JAK3: variants seen among roughly 807,000 people sequenced by gnomAD.
JAK3 encodes tyrosine-protein kinase JAK3.
A neutral mutation model predicts 120.8 loss-of-function variants in JAK3; 88 were observed. That is an observed-to-expected ratio of 0.73 (90% CI 0.61 to 0.87). JAK3 has a LOEUF of 0.87. JAK3 is among the 40% of genes least tolerant of loss of function. JAK3 has a pLI of 0.00. For missense variants in JAK3, 1,254 were observed against 1,501.4 expected, an observed-to-expected ratio of 0.84 and a Z score of 2.72; for synonymous variants, 592 against 628.6, an observed-to-expected ratio of 0.94 and a Z score of 0.87.
intron 23 of JAK3, 109 bp from the exon 24 acceptor site, chr19:17,827,019 G>T: frequency 7.9e-7 from 1 of 1,263,864 alleles, no homozygotes; most frequent in East Asian, 2.5e-5. Flanking sequence ...TAGCTCTGTT[G>T]TCCAGGCTGG....
chr19:17,837,319 C>G, intron 12 of JAK3, 106 bp from the exon 13 acceptor site: 2 of 837,804 alleles, frequency 2.4e-6, no homozygotes, highest in Non-Finnish European at 4.0e-6. Context: ...GGCCACAGGT[C>G]ACCTTTGGCC....
At chr19:17,828,131 G>A (rs1043409942) in intron 23 of JAK3, among the ~76,000 whole-genome samples, 2 of 152,070 alleles carry the variant, frequency 1.3e-5, no homozygotes, top group Non-Finnish European at 2.9e-5. Context: ...TCCTTCCAGC[G>A]TCGGCCCCGT....
Position 17,844,441 on chromosome 19 carries a change from G to A in JAK3, c.-13-11C>T. ...ATGAGTGCAACTTGCCTGGGGCACA[G>A]AGAGAAAAAGCCCCTCAGTCCTGGT... On this transcript the variant is annotated splice_polypyrimidine_tract_variant and intron_variant, in intron 1 of 23. Transcript: ENST00000458235. The A allele has an allele frequency of 6.3e-7, 1 of 1,596,606 alleles. No individual in the cohort carries two copies. Among genetic ancestry groups the A allele is most frequent in the Admixed American group, 1.8e-5 (1 of 57,118 alleles).
Position 17,844,244 on chromosome 19 carries a change from GGCA to G in JAK3, c.171_173del (p.Ala58del), listed in dbSNP as rs1310916062. 7.5e-6 allele frequency: 12 copies of G among 1,595,568 alleles called. No homozygotes were observed. Among genetic ancestry groups the G allele is most frequent in the African/African-American group, 1.3e-5 (1 of 74,662 alleles). On this transcript the variant is annotated inframe_deletion, in exon 2 of 24. Coordinates refer to ENST00000458235, the MANE Select transcript of JAK3 (RefSeq NM_000215.4). ...TAGGGATGCACTCACCGCTGGCCTT[GGCA>G]GCCTGCACGCACAGGTCCTCAGCCA...
At chr19:17,830,040 G>T in intron 23 of JAK3, 68 bp downstream of exon 23, 1 of 1,166,460 alleles carries the variant, frequency 8.6e-7, no homozygotes, top group Non-Finnish European at 1.2e-6. Flanking sequence ...TCAGGCGCCA[G>T]CTGGCTTGCC....
chr19:17,827,450 C>T (rs2094205930), intron 23 of JAK3, among the ~76,000 whole-genome samples: 2 of 151,828 alleles, frequency 1.3e-5, no homozygotes, highest in East Asian at 2.0e-4. Context: ...TGGGTTCAAG[C>T]GATTCTCCTG....
Position 17,842,837 on chromosome 19 carries a change from G to A in JAK3, c.566+190C>T, listed in dbSNP as rs531611430. 19 of 888,250 alleles carry A rather than the reference G, an allele frequency of 2.1e-5. No homozygotes were observed. In the East Asian group the frequency reaches 4.0e-4, roughly 19 times the overall value. 55.0% of individuals were successfully genotyped at this position (888,250 alleles called of 1,614,324 possible). A position where few individuals can be genotyped will look rare whatever the true frequency, so the allele number is the denominator to read the frequency against. On this transcript the variant is annotated intron_variant, in intron 5 of 23. Transcript: ENST00000458235. The surrounding 1 kb of genome is among the most constrained non-coding windows in gnomAD (Gnocchi z 6.4). ...AGGGACCCCACAGGCCTTTTAGCTGGGGGAGGTCAGGTGTCTGTCCAGCTG... is the reference window on the plus strand; with the variant it reads ...AGGGACCCCACAGGCCTTTTAGCTGAGGGAGGTCAGGTGTCTGTCCAGCTG...
chr19:17,826,924 G>A lies in JAK3; in HGVS notation c.3208-14C>T, dbSNP rs202080914. On this transcript the variant is annotated splice_polypyrimidine_tract_variant and intron_variant, in intron 23 of 23. Coordinates refer to ENST00000458235, the MANE Select transcript of JAK3 (RefSeq NM_000215.4). The stretch of plus-strand genomic sequence containing the variant: ...GAGCTCGTGAACCTGAGGGGCGGGG[G>A]ACAGATAATGGGGTCGTGCCTGAGC... 6.2e-7 allele frequency: 1 copy of A among 1,605,076 alleles called. No individual in the cohort carries two copies. Among genetic ancestry groups the A allele is most frequent in the Admixed American group, 1.7e-5 (1 of 59,986 alleles).
Position 17,842,176 on chromosome 19 carries a change from A to C in JAK3, c.861+140T>G, listed in dbSNP as rs1722964823. On this transcript the variant is annotated intron_variant, in intron 6 of 23. Coordinates refer to ENST00000458235, the MANE Select transcript of JAK3 (RefSeq NM_000215.4). The surrounding 1 kb of genome is among the most constrained non-coding windows in gnomAD (Gnocchi z 6.4). The stretch of plus-strand genomic sequence containing the variant: ...CATTCCCGCAGTCTCCTCCCTCACT[A>C]AGCCCCGCCCCTCATTAAGCCTCGC... 2.1e-6 allele frequency: 2 copies of C among 937,804 alleles called. No individual in the cohort carries two copies. Among genetic ancestry groups the C allele is most frequent in the Non-Finnish European group, 3.1e-6 (2 of 650,256 alleles). 58.1% of individuals were successfully genotyped at this position (937,804 alleles called of 1,614,324 possible).
rs200855932 is a variant in JAK3 at position 17,831,775 on chromosome 19, T to C, written c.2704A>G (p.Met902Val). The stretch of plus-strand genomic sequence containing the variant: ...AAGCAGCCGCTGGGCAGGTACTCCA[T>C]GACCAGCCGCAGGCTCTGGCGGCCT... ...GPGRQSLRLV[M>V]EYLPSGCLRD... Residue 902 changes from methionine (M) to valine (V), a missense_variant, in exon 20 of 24, where the codon ATG becomes GTG. Around this residue, in one of 3 missense-constraint regions of JAK3, gnomAD observed 630 missense variants for 819.8 expected, o/e 0.77. Coordinates refer to ENST00000458235, the MANE Select transcript of JAK3 (RefSeq NM_000215.4). The surrounding 1 kb of genome is among the most constrained non-coding windows in gnomAD (Gnocchi z 5.1). 16 of 1,612,748 alleles carry C rather than the reference T, an allele frequency of 9.9e-6. No individual in the cohort carries two copies. The highest frequency in any genetic ancestry group is 1.7e-5 in the Admixed American group (1 of 60,006).
At position 17,831,046 on chromosome 19, in the gene JAK3, G is replaced by C. The variant is rs910283522; in HGVS notation, c.2978+182C>G. Among the ~76,000 whole-genome samples, 4 of 146,098 alleles carry C rather than the reference G, an allele frequency of 2.7e-5. No individual in the cohort carries two copies. Among genetic ancestry groups the C allele is most frequent in the African/African-American group, 1.0e-4 (4 of 39,582 alleles). On this transcript the variant is annotated intron_variant, in intron 21 of 23. Coordinates refer to ENST00000458235, the MANE Select transcript of JAK3 (RefSeq NM_000215.4). The surrounding 1 kb of genome is among the most constrained non-coding windows in gnomAD (Gnocchi z 5.1). ...GGCCGCTGACAGCAGGGCAGCGGGAGACAGAGGAGCCAGTGCTGTTGAGGG... is the reference window on the plus strand; with the variant it reads ...GGCCGCTGACAGCAGGGCAGCGGGACACAGAGGAGCCAGTGCTGTTGAGGG...
Position 17,841,472 on chromosome 19 carries a change from C to A in JAK3, c.1059G>T (p.Thr353=), listed in dbSNP as rs2147694830. The change falls in exon 8 of 24, where the codon ACG becomes ACT. Residue 353 remains threonine (T), a synonymous_variant. Transcript: ENST00000458235. This position sits in a 1 kb window ranked among gnomAD's most constrained non-coding sequence, Gnocchi z 4.1. ...ALVDGYFRLT[T]DSQHFFCKEV... ...CCTTGCAGAAGAAGTGCTGGGAGTC[C>A]GTGGTCAGCCGGAAGTAGCCGTCCA... 1 of 1,560,956 alleles carries A rather than the reference C, an allele frequency of 6.4e-7. No homozygotes were observed. The highest frequency in any genetic ancestry group is 2.4e-5 in the East Asian group (1 of 41,788).
chr19:17,836,915 G>C (rs1343558579), intron 13 of JAK3: 1 of 676,120 alleles, frequency 1.5e-6, no homozygotes, highest in African/African-American at 1.8e-5. Context: ...TCTGACTTCA[G>C]GTCATTCTGG....
chr19:17,830,209 G>C lies in JAK3; in HGVS notation c.3106C>G (p.Arg1036Gly), dbSNP rs868813680. The C allele has an allele frequency of 6.3e-7, 1 of 1,576,390 alleles. No homozygotes were observed. The change falls in exon 23 of 24, where the codon CGG becomes GGG. Residue 1036 changes from arginine to glycine, a missense_variant. By Grantham distance (125) the Arg-to-Gly change is moderately radical. Transcript: ENST00000458235. ...ACATCCCGCTCACATCCCATCATCC[G>C]CAGGAACTCCTGGAGCCAAGGAGGA... is the stretch of plus-strand genomic sequence containing the variant. ...KSCSPSAEFL[R>G]MMGCERDVPA...
chr19:17,828,226 TTTGTTTTGTTTTGTTTTG>T (rs1185795203), intron 23 of JAK3, among the ~76,000 whole-genome samples: 2 of 17,578 alleles, frequency 1.1e-4, no homozygotes, highest in African/African-American at 2.9e-4. Flanking sequence ...TAATTTTGTC[TTTGTTTTGTTTTGTTTTG>T]TTTTGTTTTG....
chr19:17,831,620 C>G lies in JAK3; in HGVS notation c.2805+54G>C. On this transcript the variant is annotated intron_variant, in intron 20 of 23. Transcript: ENST00000458235. The surrounding 1 kb of genome is among the most constrained non-coding windows in gnomAD (Gnocchi z 5.1). The stretch of plus-strand genomic sequence containing the variant: ...TTCACCGCGACCTCCAAGCAGACCC[C>G]TGCCCAGGCCGTGCCAGCTGAATCC... 6.3e-7 allele frequency: 1 copy of G among 1,579,422 alleles called. No individual in the cohort carries two copies. The highest frequency in any genetic ancestry group is 1.3e-5 in the African/African-American group (1 of 74,244).
At chr19:17,827,915 A>C (rs1052107381) in intron 23 of JAK3, among the ~76,000 whole-genome samples, 5 of 142,460 alleles carry the variant, frequency 3.5e-5, no homozygotes, top group Admixed American at 1.4e-4. Flanking sequence ...AAAAAAAAAA[A>C]CAACAAAAAA....
chr19:17,837,340 C>A (rs2094226701), intron 12 of JAK3, 127 bp from the exon 13 acceptor site: 1 of 728,036 alleles, frequency 1.4e-6, no homozygotes, highest in African/African-American at 1.7e-5. Context: ...CTGGAGTCTG[C>A]CATTAGTGCA....
chr19:17,843,653 G>T lies in JAK3; in HGVS notation c.308+124C>A. On this transcript the variant is annotated intron_variant, in intron 3 of 23. Coordinates refer to ENST00000458235, the MANE Select transcript of JAK3 (RefSeq NM_000215.4). This position sits in a 1 kb window ranked among gnomAD's most constrained non-coding sequence, Gnocchi z 5.4. The stretch of plus-strand genomic sequence containing the variant: ...TTGGGCAAGTGACCCACCCTCTCTG[G>T]TCTGTTTCCTCATCTGAGAAATGGG... The T allele has an allele frequency of 7.3e-7, 1 of 1,363,424 alleles. No homozygotes were observed. Among genetic ancestry groups the T allele is most frequent in the Non-Finnish European group, 1.0e-6 (1 of 953,658 alleles). The allele number at this position is 1,363,424 out of a possible 1,614,324, so 84.5% of individuals were successfully genotyped here. A position where few individuals can be genotyped will look rare whatever the true frequency, so the allele number is the denominator to read the frequency against.
Sources: allele counts gnomAD v4.1 joint callset (sites outside exome capture counted in the v4.1 genomes callset), GRCh38; gene constraint gnomAD v4.1.1; regional missense constraint gnomAD v4.1.1; non-coding constraint Gnocchi (gnomAD v3.1); transcripts MANE v1.5; gene names NCBI Gene and HGNC (gene_info 2026-07-23, HGNC 2026-07-21).